The following KNTC1 variants were observed in gnomAD, a reference collection of about 807,000 sequenced individuals.
The protein encoded by KNTC1 is kinetochore associated 1.
A neutral mutation model predicts 314.4 loss-of-function variants in KNTC1; 253 were observed. That is an observed-to-expected ratio of 0.80 (90% CI 0.73 to 0.89). The LOEUF is 0.89. KNTC1 is among the 40% of genes least tolerant of loss of function. The pLI is 0.00. For missense variants in KNTC1, 2,475 were observed against 2,572.9 expected (o/e 0.96, Z 0.82); for synonymous variants, 901 against 901.4 (o/e 1.00, Z 0.01).
At chr12:122,536,271 A>G (rs1961821107) in intron 3 of KNTC1, among the ~76,000 whole-genome samples, 1 of 150,006 alleles carries the variant, frequency 6.7e-6, no homozygotes, top group Non-Finnish European at 1.5e-5. Context: ...ACTGTCGCCT[A>G]GGCCGGAGTG....
At chr12:122,596,165 C>T (rs1871015035) in intron 43 of KNTC1, among the ~76,000 whole-genome samples, 2 of 150,096 alleles carry the variant, frequency 1.3e-5, no homozygotes, top group South Asian at 4.3e-4. Context: ...TCACTGCAAC[C>T]TCCACCTCCT....
rs767388448 is a variant in KNTC1 at position 122,551,322 on chromosome 12, A to T, written c.1090A>T (p.Thr364Ser). 6.4e-7 allele frequency: 1 copy of T among 1,562,456 alleles called. No individual in the cohort carries two copies. Among genetic ancestry groups the T allele is most frequent in the Admixed American group, 1.7e-5 (1 of 57,192 alleles). Residue 364 changes from threonine (T) to serine (S), a missense_variant, in exon 14 of 64, where the codon ACC becomes TCC. By Grantham distance (58) the Thr-to-Ser change is moderately conservative. Transcript: ENST00000333479. ...TCATGTTTTTTTGTTATTGTAGGATACCATATACCTTTTAGAAGGAGTTTG... is the reference window on the plus strand; with the variant it reads ...TCATGTTTTTTTGTTATTGTAGGATTCCATATACCTTTTAGAAGGAGTTTG... ...SLVQTGISTDTIYLLEGVCKN... is the reference protein window; with the variant it reads ...SLVQTGISTDSIYLLEGVCKN...
intron 41 of KNTC1, among the ~76,000 whole-genome samples, 200 bp from the exon 42 acceptor site, chr12:122,591,137 A>G (rs1271404592): frequency 6.6e-6 from 1 of 152,174 alleles, no homozygotes; most frequent in Non-Finnish European, 1.5e-5. Context: ...AAGGAAAGCC[A>G]GGCTAAATGT....
intron 16 of KNTC1, 113 bp from the exon 17 acceptor site, chr12:122,557,271 A>G (rs1369750285): frequency 5.3e-6 from 5 of 950,276 alleles, no homozygotes; most frequent in African/African-American, 4.9e-5. Flanking sequence ...CCTGGAGCGC[A>G]TGAGGATTCA....
At chr12:122,541,287 G>GCCTGCCTGCCTTCCTTCCTTCCTTCCTT (rs758235054) in intron 5 of KNTC1, among the ~76,000 whole-genome samples, 38 of 120,976 alleles carry the variant, frequency 3.1e-4, no homozygotes, top group African/African-American at 1.3e-3. Flanking sequence ...CTGCCTGCCT[G>GCCTGCCTGCCTTCCTTCCTTCCTTCCTT]CCTTCCTTCC....
chr12:122,544,081 G>A, intron 7 of KNTC1, 78 bp from the exon 8 acceptor site: 1 of 593,726 alleles, frequency 1.7e-6, no homozygotes, highest in Non-Finnish European at 2.9e-6. Flanking sequence ...ATAACTGATT[G>A]ATATCAACTG....
intron 16 of KNTC1, among the ~76,000 whole-genome samples, chr12:122,552,761 T>A (rs12827322): frequency 6.6e-6 from 1 of 151,904 alleles, no homozygotes; most frequent in East Asian, 1.9e-4. Flanking sequence ...GACAAAGAAT[T>A]TGGAGAAGGG....
rs1484710319 is a variant in KNTC1, at chr12:122,583,049, T to C, written c.3263+64T>C. ...AATTGCGGCTGGGCACGGTAACTCA[T>C]ACCTGTAATCCCAGCAATTTAGGAG... On this transcript the variant is annotated intron_variant, in intron 34 of 63. Coordinates refer to ENST00000333479, the MANE Select transcript of KNTC1 (RefSeq NM_014708.6). The C allele has an allele frequency of 8.3e-6, 12 of 1,450,394 alleles. No individual in the cohort carries two copies. In the Admixed American group the frequency reaches 1.5e-4, roughly 18 times the overall value. The allele number at this position is 1,450,394 out of a possible 1,614,324, so 89.8% of individuals were successfully genotyped here.
chr12:122,586,451 T>A (rs1869313661), intron 37 of KNTC1, among the ~76,000 whole-genome samples: 2 of 152,358 alleles, frequency 1.3e-5, no homozygotes, highest in Non-Finnish European at 1.5e-5. Flanking sequence ...TACACTTACC[T>A]GTGCATTTTC....
At chr12:122,587,168 A>G (rs1022435056) in intron 38 of KNTC1, among the ~76,000 whole-genome samples, 2 of 152,146 alleles carry the variant, frequency 1.3e-5, no homozygotes, top group Non-Finnish European at 2.9e-5. Flanking sequence ...AGTCCTGGTT[A>G]CTTGGGAGGC....
intron 59 of KNTC1, among the ~76,000 whole-genome samples, chr12:122,619,574 G>A (rs913580003): frequency 5.9e-5 from 9 of 151,930 alleles, no homozygotes; most frequent in East Asian, 1.9e-4. Flanking sequence ...CACCATGCCC[G>A]GCTAATTGTT....
chr12:122,612,633 T>C (rs1223384158), intron 53 of KNTC1, among the ~76,000 whole-genome samples: 2 of 151,690 alleles, frequency 1.3e-5, no homozygotes, highest in Non-Finnish European at 2.9e-5. Context: ...TTGGTCAGGC[T>C]GGTCTTGAAC....
intron 34 of KNTC1, among the ~76,000 whole-genome samples, chr12:122,583,719 G>A (rs1004475060): frequency 2.0e-5 from 3 of 152,042 alleles, no homozygotes; most frequent in Admixed American, 6.6e-5. Context: ...CCACCTACTC[G>A]GGAGGCTGAG....
chr12:122,605,083 T>C lies in KNTC1; in HGVS notation c.5382T>C (p.Tyr1794=). 6.2e-7 allele frequency: 1 copy of C among 1,606,882 alleles called. No individual in the cohort carries two copies. The highest frequency in any genetic ancestry group is 8.5e-7 in the Non-Finnish European group (1 of 1,176,882). Residue 1794 remains tyrosine (Y), a synonymous_variant, in exon 50 of 64, where the codon TAT becomes TAC. Coordinates refer to ENST00000333479, the MANE Select transcript of KNTC1 (RefSeq NM_014708.6). ...QRIQNSSGTD[Y]PDIHAAAKEI... is the part of the protein sequence containing the mutation. ...TTCAGAATTCATCTGGCACAGATTA[T>C]CCTGGTGAGGACAAAACAATTTTTT...
At chr12:122,591,918 T>C (rs936149092) in intron 42 of KNTC1, among the ~76,000 whole-genome samples, 1 of 152,244 alleles carries the variant, frequency 6.6e-6, no homozygotes, top group Non-Finnish European at 1.5e-5. Context: ...GCTCCCACTT[T>C]GGCGGCACTT....
chr12:122,597,334 C>T (rs1475212383), intron 43 of KNTC1: 1 of 205,736 alleles, frequency 4.9e-6, no homozygotes, highest in African/African-American at 2.3e-5. Context: ...CCGCAACCTC[C>T]ACCTCCCGGG....
chr12:122,532,206 CT>C (rs139344183), intron 2 of KNTC1, among the ~76,000 whole-genome samples: 33,707 of 99,380 alleles, frequency 0.34, 4,126 homozygotes, highest in African/African-American at 0.42. Flanking sequence ...GCTAATTTTT[CT>C]TTTTTTTTTT....
Position 122,588,827 on chromosome 12 carries a change from G to T in KNTC1, c.3999+11G>T. 2 of 1,476,626 alleles carry T rather than the reference G, an allele frequency of 1.4e-6. No homozygotes were observed. Among genetic ancestry groups the T allele is most frequent in the Non-Finnish European group, 9.0e-7 (1 of 1,109,166 alleles). The allele number at this position is 1,476,626 out of a possible 1,614,324, so 91.5% of individuals were successfully genotyped here. On this transcript the variant is annotated intron_variant, in intron 40 of 63. Coordinates refer to ENST00000333479, the MANE Select transcript of KNTC1 (RefSeq NM_014708.6). ...ACACTACTGCACAAAGTAAGTATTT[G>T]TTCTGGGTAAAAATTTTGTTTGTTT...
chr12:122,580,888 C>CGTG (rs1565981269), intron 33 of KNTC1, among the ~76,000 whole-genome samples: 1 of 152,022 alleles, frequency 6.6e-6, no homozygotes, highest in African/African-American at 2.4e-5. Context: ...ATTAGCCAGG[C>CGTG]GTGGTGGCAC....
Sources: gnomAD v4.1 joint callset for allele counts (sites outside exome capture counted in the v4.1 genomes callset) on GRCh38, gnomAD v4.1.1 for gene constraint, MANE v1.5 for transcripts, NCBI Gene and HGNC (gene_info 2026-07-23, HGNC 2026-07-21) for gene names.